Variants in GPC5 observed in about 807,000 individuals in gnomAD.
GPC5 encodes glypican-5.
Under a neutral mutation model 53.9 loss-of-function variants are expected in GPC5, and 47 were observed. That is an observed-to-expected ratio of 0.87 (90% confidence interval 0.69 to 1.11). The LOEUF (loss-of-function observed/expected upper bound fraction) is 1.11, where lower values mean the gene tolerates loss of function less well. GPC5 is among the 50% of genes most tolerant of loss of function. GPC5 has a pLI of 0.00. For missense variants in GPC5, 748 were observed against 713.1 expected, an observed-to-expected ratio of 1.05 and a Z score of -0.56; for synonymous variants, 286 against 263.3, an observed-to-expected ratio of 1.09 and a Z score of -0.84.
intron 7 of GPC5, among the ~76,000 whole-genome samples, chr13:92,805,619 G>A (rs999336355): frequency 1.3e-5 from 2 of 151,626 alleles, no homozygotes; most frequent in Non-Finnish European, 1.5e-5. Flanking sequence ...TATTTTTTTT[G>A]TAGAGATCGG....
intron 7 of GPC5, among the ~76,000 whole-genome samples, chr13:92,309,321 T>C (rs2043131088): frequency 6.6e-6 from 1 of 152,108 alleles, no homozygotes; most frequent in Admixed American, 6.6e-5. Flanking sequence ...AATTATATGA[T>C]TTCTCAAGGC....
At chr13:92,027,742 C>T (rs1227742023) in intron 6 of GPC5, among the ~76,000 whole-genome samples, 1 of 152,122 alleles carries the variant, frequency 6.6e-6, no homozygotes, top group African/African-American at 2.4e-5. Flanking sequence ...TAAACTTACC[C>T]ATTCACTTAA....
chr13:92,303,619 G>T (rs1052249797), intron 7 of GPC5, among the ~76,000 whole-genome samples: 1 of 152,164 alleles, frequency 6.6e-6, no homozygotes, highest in African/African-American at 2.4e-5. Flanking sequence ...CCAGATGGTG[G>T]CTATCAAGGA....
chr13:92,419,621 TC>T (rs1487376588), intron 7 of GPC5, among the ~76,000 whole-genome samples: 1 of 152,188 alleles, frequency 6.6e-6, no homozygotes, highest in African/African-American at 2.4e-5. Flanking sequence ...AAAAAATGAG[TC>T]ATTTGATTCT....
At chr13:92,862,275 G>C (rs976045771) in intron 7 of GPC5, among the ~76,000 whole-genome samples, 1 of 152,044 alleles carries the variant, frequency 6.6e-6, no homozygotes, top group Non-Finnish European at 1.5e-5. Context: ...TCCTGTTCTT[G>C]TGTAAATGAG....
chr13:92,199,616 T>C (rs750769402), intron 7 of GPC5, among the ~76,000 whole-genome samples: 7 of 152,222 alleles, frequency 4.6e-5, no homozygotes, highest in Non-Finnish European at 7.3e-5. Context: ...TTTTACACTT[T>C]GTATGTTTGG....
At chr13:91,404,390 A>G (rs1422724404) in intron 1 of GPC5, among the ~76,000 whole-genome samples, 1 of 152,232 alleles carries the variant, frequency 6.6e-6, no homozygotes, top group Non-Finnish European at 1.5e-5. Context: ...GTTGAAATAT[A>G]TTCTCTGTGA....
rs944080936 is a variant in GPC5 at position 91,531,031 on chromosome 13, C to T, written c.325+82109C>T. On this transcript the variant is annotated intron_variant, in intron 2 of 7. Coordinates refer to ENST00000377067, the MANE Select transcript of GPC5 (RefSeq NM_004466.6). ...TTACTGCCAATATTGAATTCTCTTA[C>T]GTTGTACCCACTTAGGGAGATATTT... 7.2e-5 allele frequency among the ~76,000 whole-genome samples: 11 copies of T among 152,220 alleles called. No homozygotes were observed. In the East Asian group the frequency reaches 7.7e-4, roughly 11 times the overall value.
intron 7 of GPC5, among the ~76,000 whole-genome samples, chr13:92,745,774 T>C (rs1302258502): frequency 6.6e-6 from 1 of 152,124 alleles, no homozygotes; most frequent in Non-Finnish European, 1.5e-5. Flanking sequence ...TTTCAAAATT[T>C]CGAAACTAAT....
chr13:91,870,455 C>T (rs1360603061), intron 5 of GPC5, among the ~76,000 whole-genome samples: 1 of 152,032 alleles, frequency 6.6e-6, no homozygotes, highest in Non-Finnish European at 1.5e-5. Flanking sequence ...GAATACTTCA[C>T]TTTAAGGGCT....
intron 7 of GPC5, among the ~76,000 whole-genome samples, chr13:92,604,334 G>A (rs1298848013): frequency 6.6e-6 from 1 of 152,108 alleles, no homozygotes; most frequent in Non-Finnish European, 1.5e-5. Context: ...TGTAGAAGTG[G>A]TTTAACATAA....
At chr13:92,402,734 CT>C (rs1158378158) in intron 7 of GPC5, among the ~76,000 whole-genome samples, 1 of 151,988 alleles carries the variant, frequency 6.6e-6, no homozygotes, top group African/African-American at 2.4e-5. Context: ...AGCCAAAAAG[CT>C]TCTAAAAGTC....
At chr13:91,786,028 G>A (rs746766996) in intron 5 of GPC5, among the ~76,000 whole-genome samples, 1 of 151,922 alleles carries the variant, frequency 6.6e-6, no homozygotes, top group African/African-American at 2.4e-5. Context: ...ACCAAGTCTC[G>A]CTCTGTCACC....
rs192738784 is a variant in GPC5 at position 91,502,382 on chromosome 13, T to A, written c.325+53460T>A. On this transcript the variant is annotated intron_variant, in intron 2 of 7. Coordinates refer to ENST00000377067, the MANE Select transcript of GPC5 (RefSeq NM_004466.6). Reference sequence around the variant, plus strand: ...TCTAGGGTTTTTATGGTTTTAGGTCTAACATTTGAATTAATTAACTTTGGT... The same window carrying A: ...TCTAGGGTTTTTATGGTTTTAGGTCAAACATTTGAATTAATTAACTTTGGT... Among the ~76,000 whole-genome samples, 288 of 152,196 alleles carry A rather than the reference T, an allele frequency of 1.9e-3. 1 individual carries two copies. Among genetic ancestry groups the A allele is most frequent in the Non-Finnish European group, 3.3e-3 (225 of 67,980 alleles).
At chr13:91,808,482 T>C (rs1335589389) in intron 5 of GPC5, among the ~76,000 whole-genome samples, 1 of 152,144 alleles carries the variant, frequency 6.6e-6, no homozygotes, top group Non-Finnish European at 1.5e-5. Context: ...AGTATGCTCT[T>C]ACCTGTTTAT....
chr13:92,654,443 A>T (rs1886060016), intron 7 of GPC5, among the ~76,000 whole-genome samples: 1 of 152,180 alleles, frequency 6.6e-6, no homozygotes, highest in South Asian at 2.1e-4. Flanking sequence ...ATTTACCATT[A>T]CTGTTAAGGA....
intron 7 of GPC5, among the ~76,000 whole-genome samples, chr13:92,236,497 T>C (rs1185822808): frequency 6.6e-6 from 1 of 152,066 alleles, no homozygotes; most frequent in Non-Finnish European, 1.5e-5. Flanking sequence ...GTTGGAAAGG[T>C]GAAATTGTGG....
At chr13:92,595,211 C>T (rs1158014810) in intron 7 of GPC5, among the ~76,000 whole-genome samples, 1 of 152,042 alleles carries the variant, frequency 6.6e-6, no homozygotes, top group African/African-American at 2.4e-5. Context: ...AAGCTTTATG[C>T]CCCCCTTTTT....
chr13:91,862,367 C>T (rs2039039463), intron 5 of GPC5, among the ~76,000 whole-genome samples: 1 of 152,104 alleles, frequency 6.6e-6, no homozygotes, highest in Non-Finnish European at 1.5e-5. Flanking sequence ...GGCAGTTTTG[C>T]CCTCCAGGAA....
Sources: allele counts gnomAD v4.1 joint callset (sites outside exome capture counted in the v4.1 genomes callset), GRCh38; gene constraint gnomAD v4.1.1; transcripts MANE v1.5; gene names NCBI Gene and HGNC (gene_info 2026-07-23, HGNC 2026-07-21).